AFF1: variants seen among roughly 807,000 people sequenced by gnomAD.
The protein encoded by AFF1 is AF4/FMR2 family member 1.
AFF1 carries 48 observed loss-of-function variants against 121.7 expected under a neutral mutation model. The observed-to-expected ratio is 0.39, with a 90% CI of 0.31 to 0.50. The LOEUF (loss-of-function observed/expected upper bound fraction) is 0.50, where lower values mean the gene tolerates loss of function less well. Ranked by LOEUF, AFF1 falls within the 20% of genes least tolerant of loss-of-function variation. The probability of loss-of-function intolerance (pLI) is 0.76; values close to 1 mark genes in which losing one functional copy is unlikely to be tolerated. For missense variants in AFF1, 1,523 were observed against 1,511.7 expected (o/e 1.01, Z -0.12); for synonymous variants, 613 against 563.0 (o/e 1.09, Z -1.26).
chr4:87,064,878 G>GA (rs397932923), intron 4 of AFF1, among the ~76,000 whole-genome samples: 46,721 of 138,830 alleles, frequency 0.34, 8,220 homozygotes, highest in South Asian at 0.43. Flanking sequence ...CGTCTCAAAA[G>GA]AAAAAAAAAA....
chr4:86,938,109 A>G (rs1308644981), intron 1 of AFF1, among the ~76,000 whole-genome samples: 1 of 152,184 alleles, frequency 6.6e-6, no homozygotes, highest in East Asian at 1.9e-4. Context: ...CCATTAACTA[A>G]TTTTTTGGGA....
At chr4:87,116,449 A>G (rs1283315492) in intron 12 of AFF1, among the ~76,000 whole-genome samples, 8 of 152,212 alleles carry the variant, frequency 5.3e-5, no homozygotes, top group African/African-American at 1.9e-4. Context: ...CAAAGTCACA[A>G]GAAGGGCCAA....
chr4:87,019,425 T>G (rs370457037), intron 2 of AFF1, among the ~76,000 whole-genome samples: 93 of 152,210 alleles, frequency 6.1e-4, no homozygotes, highest in African/African-American at 2.1e-3. Flanking sequence ...TTCCAGAGAG[T>G]TCCTGCCCCA....
intron 2 of AFF1, among the ~76,000 whole-genome samples, chr4:86,983,738 A>G (rs1411439460): frequency 6.7e-6 from 1 of 148,888 alleles, no homozygotes; most frequent in Non-Finnish European, 1.5e-5. Context: ...AAAACAAAAA[A>G]CAAATAAAAT....
intron 2 of AFF1, chr4:87,007,121 C>T (rs1726211994): frequency 1.6e-6 from 2 of 1,272,696 alleles, no homozygotes; most frequent in South Asian, 2.4e-5. Context: ...CGCTCGCTTG[C>T]CCCGGATTCG....
At chr4:87,069,523 C>T (rs1721771484) in intron 4 of AFF1, among the ~76,000 whole-genome samples, 1 of 148,070 alleles carries the variant, frequency 6.8e-6, no homozygotes, top group South Asian at 2.2e-4. Context: ...CCTCTCCCCT[C>T]CTCTTTCTCT....
In AFF1 at chr4:87,114,636, C is replaced by T. The variant is rs1413843049; in HGVS notation, c.1803C>T (p.Pro601=). The part of the protein sequence containing the change: ...SCQKSPAQQE[P]PQRQTVGTKQ... ...AGAAGTCTCCGGCACAGCAGGAGCC[C>T]CCACAAAGGCAAACCGTTGGAACCA... Residue 601 remains proline (P), a synonymous_variant, in exon 12 of 21, where the codon CCC becomes CCT. Coordinates refer to ENST00000395146, the MANE Select transcript of AFF1 (RefSeq NM_001166693.3). The T allele has an allele frequency of 1.2e-5, 20 of 1,612,810 alleles. No homozygotes were observed. The highest frequency in any genetic ancestry group is 1.7e-5 in the Non-Finnish European group (20 of 1,179,764).
chr4:87,089,552 C>G (rs1358873683), intron 5 of AFF1, among the ~76,000 whole-genome samples: 1 of 152,292 alleles, frequency 6.6e-6, no homozygotes, highest in Non-Finnish European at 1.5e-5. Context: ...CAGGAAAGTT[C>G]TTCTTCCTTT....
intron 12 of AFF1, among the ~76,000 whole-genome samples, chr4:87,121,850 T>TA (rs1489450682): frequency 6.6e-6 from 1 of 152,244 alleles, no homozygotes; most frequent in Non-Finnish European, 1.5e-5. Flanking sequence ...CAGCCAGAGC[T>TA]ATAACCAGTC....
rs115474020 is a variant in AFF1, at chr4:87,036,267, A to T, written c.39-9899A>T. Among the ~76,000 whole-genome samples the T allele has an allele frequency of 3.7e-3, 560 of 152,330 alleles. 2 individuals carry two copies. Among genetic ancestry groups the T allele is most frequent in the Middle Eastern group, 0.017 (5 of 294 alleles). ...TCCCCTTGCTTGACTGCTGGTAAGC[A>T]CTTGACATCAGTCTCAGGGACTGAA... On this transcript the variant is annotated intron_variant, in intron 2 of 20. Coordinates refer to ENST00000395146, the MANE Select transcript of AFF1 (RefSeq NM_001166693.3).
intron 2 of AFF1, among the ~76,000 whole-genome samples, chr4:87,045,150 G>T (rs1040003416): frequency 6.6e-6 from 1 of 152,094 alleles, no homozygotes; most frequent in Non-Finnish European, 1.5e-5. Context: ...GGGGAAGGGC[G>T]TCTGACATCA....
At chr4:87,044,319 G>A (rs563728763) in intron 2 of AFF1, among the ~76,000 whole-genome samples, 1 of 152,274 alleles carries the variant, frequency 6.6e-6, no homozygotes, top group South Asian at 2.1e-4. Context: ...TAAGTGTAGT[G>A]GCTGTTTTTT....
chr4:87,112,491 G>A (rs1726636744), intron 11 of AFF1, among the ~76,000 whole-genome samples: 1 of 152,168 alleles, frequency 6.6e-6, no homozygotes, highest in African/African-American at 2.4e-5. Flanking sequence ...GTTCTTGCCT[G>A]GTTTTTTAAG....
intron 2 of AFF1, among the ~76,000 whole-genome samples, chr4:87,028,892 C>T (rs983946308): frequency 1.3e-5 from 2 of 152,120 alleles, no homozygotes; most frequent in Non-Finnish European, 2.9e-5. Context: ...GGAAGGCAGG[C>T]GGATTGTCCC....
chr4:87,128,208 A>G (rs1488357336), intron 16 of AFF1, among the ~76,000 whole-genome samples: 2 of 152,324 alleles, frequency 1.3e-5, no homozygotes, highest in South Asian at 4.1e-4. Flanking sequence ...GCTGACCTGA[A>G]GGAAGAGTTG....
intron 2 of AFF1, chr4:87,007,275 C>T (rs1285163349): frequency 2.6e-6 from 4 of 1,550,744 alleles, no homozygotes; most frequent in East Asian, 4.5e-5. Context: ...GCAGGTAGTC[C>T]CGTAACATCG....
At position 87,134,586 on chromosome 4, in the gene AFF1, C is replaced by G; in HGVS notation, c.3427C>G (p.Pro1143Ala). ...TGGGGTGGCTGCCACTATCAGCACCCCAGTCACCATCCAGAATATGACATC... is the reference window on the plus strand; with the variant it reads ...TGGGGTGGCTGCCACTATCAGCACCGCAGTCACCATCCAGAATATGACATC... Reference protein sequence around the residue: ...SSGVAATISTPVTIQNMTSSY... With the variant: ...SSGVAATISTAVTIQNMTSSY... Residue 1143 changes from proline to alanine, a missense_variant, in exon 20 of 21, where the codon CCA becomes GCA. By Grantham distance (27) the Pro-to-Ala change is conservative. Transcript: ENST00000395146. 6.2e-7 allele frequency: 1 copy of G among 1,614,146 alleles called. No individual in the cohort carries two copies. The highest frequency in any genetic ancestry group is 8.5e-7 in the Non-Finnish European group (1 of 1,180,022).
chr4:87,094,181 C>T (rs894731319), intron 7 of AFF1, among the ~76,000 whole-genome samples: 4 of 152,196 alleles, frequency 2.6e-5, no homozygotes, highest in African/African-American at 9.7e-5. Flanking sequence ...CAGCATCACT[C>T]TGCCAGAATC....
In AFF1 at chr4:87,001,207, CTTTTTTTTTTT is replaced by C. The variant is rs34072831; in HGVS notation, c.39-44942_39-44932del. Among the ~76,000 whole-genome samples the C allele has an allele frequency of 1.5e-4, 9 of 60,298 alleles. No individual in the cohort carries two copies. In the East Asian group the frequency reaches 1.9e-3, roughly 13 times the overall value. The allele number at this position is 60,298 out of a possible 152,430, so 39.6% of individuals were successfully genotyped here. A position where few individuals can be genotyped will look rare whatever the true frequency, so the allele number is the denominator to read the frequency against. ...TGAGAGGACTGCTTTCCTTTTTCTA[CTTTTTTTTTTT>C]TTTTTTTTTTTTTTTTGGTGACGGC... On this transcript the variant is annotated intron_variant, in intron 2 of 20. Coordinates refer to ENST00000395146, the MANE Select transcript of AFF1 (RefSeq NM_001166693.3).
Sources: allele counts gnomAD v4.1 joint callset (sites outside exome capture counted in the v4.1 genomes callset), GRCh38; gene constraint gnomAD v4.1.1; transcripts MANE v1.5; gene names NCBI Gene and HGNC (gene_info 2026-07-23, HGNC 2026-07-21).